Variants in TSHZ3 observed in about 807,000 individuals in gnomAD.
The protein encoded by TSHZ3 is teashirt homolog 3.
TSHZ3 carries 10 observed loss-of-function variants against 64.5 expected under a neutral mutation model. The observed-to-expected ratio is 0.16, with a 90% CI of 0.10 to 0.26. The LOEUF is 0.26. TSHZ3 is among the 10% of genes least tolerant of loss of function. The pLI, the probability that TSHZ3 is intolerant of heterozygous loss-of-function variation, is 1.00. For missense variants in TSHZ3, 1,242 were observed against 1,421.7 expected (o/e 0.87, Z 2.03); for synonymous variants, 608 against 593.1 (o/e 1.03, Z -0.36).
intron 5 of TSHZ3, among the ~76,000 whole-genome samples, chr19:31,183,496 A>C (rs1226068430): frequency 3.3e-5 from 5 of 152,154 alleles, no homozygotes; most frequent in Non-Finnish European, 7.4e-5. Context: ...ACAAACAAAC[A>C]AAAAATCTTA....
At chr19:31,168,971 C>T (rs765045511) in intron 5 of TSHZ3, among the ~76,000 whole-genome samples, 29 of 152,092 alleles carry the variant, frequency 1.9e-4, no homozygotes, top group African/African-American at 4.6e-4. Context: ...TGTGAACATG[C>T]GAAGAAGACA....
At chr19:31,255,246 C>G (rs753296284) in intron 1 of TSHZ3, among the ~76,000 whole-genome samples, 5 of 152,078 alleles carry the variant, frequency 3.3e-5, no homozygotes, top group Non-Finnish European at 5.9e-5. Flanking sequence ...ATCCAAATAG[C>G]ACACATCTAG....
intron 4 of TSHZ3, among the ~76,000 whole-genome samples, chr19:31,206,123 GGATGGATA>G (rs750744442): frequency 1.4e-4 from 17 of 122,558 alleles, no homozygotes; most frequent in Admixed American, 5.3e-4. Context: ...ATGGATGGAT[GGATGGATA>G]AATGAATGGA....
chr19:31,233,090 G>A (rs1245361940), intron 3 of TSHZ3, among the ~76,000 whole-genome samples: 1 of 152,192 alleles, frequency 6.6e-6, no homozygotes, highest in Non-Finnish European at 1.5e-5. Flanking sequence ...ACAGAGGAAT[G>A]GAGTTGCTGA....
At chr19:31,230,463 C>T (rs902956610) in intron 3 of TSHZ3, among the ~76,000 whole-genome samples, 13 of 152,052 alleles carry the variant, frequency 8.5e-5, no homozygotes, top group Non-Finnish European at 1.5e-4. Flanking sequence ...CTTTTTGTAA[C>T]AAGATTCTTA....
chr19:31,223,263 C>T (rs914799448), intron 4 of TSHZ3, among the ~76,000 whole-genome samples: 14 of 152,006 alleles, frequency 9.2e-5, no homozygotes, highest in African/African-American at 3.4e-4. Context: ...GTCTTTAAGG[C>T]TTATCTGACA....
At chr19:31,193,316 T>C (rs1418996664) in intron 5 of TSHZ3, among the ~76,000 whole-genome samples, 1 of 152,172 alleles carries the variant, frequency 6.6e-6, no homozygotes, top group Non-Finnish European at 1.5e-5. Context: ...TCTCTGTCAG[T>C]AACAAATATC....
chr19:31,292,504 C>T (rs76331186), intron 1 of TSHZ3, among the ~76,000 whole-genome samples: 3,291 of 152,236 alleles, frequency 0.022, 67 homozygotes, highest in Non-Finnish European at 0.035. Flanking sequence ...GACTTGCTGG[C>T]TTTCCTCCAA....
chr19:31,150,458 T>C (rs984859456), exon 7 of TSHZ3, among the ~76,000 whole-genome samples: 2 of 152,224 alleles, frequency 1.3e-5, no homozygotes, highest in African/African-American at 4.8e-5. Flanking sequence ...CATATCCTGG[T>C]GCATCCACGT....
intron 1 of TSHZ3, among the ~76,000 whole-genome samples, chr19:31,339,835 CA>C (rs981819128): frequency 6.6e-5 from 10 of 150,534 alleles, no homozygotes; most frequent in Admixed American, 2.0e-4. Flanking sequence ...CTGATACCTG[CA>C]AAAGGCCACG....
chr19:31,316,795 CAG>C lies in TSHZ3; in HGVS notation c.40+32383_40+32384del, dbSNP rs374313358. On this transcript the variant is annotated intron_variant, in intron 1 of 1. Transcript: ENST00000240587. Reference sequence around the variant, plus strand: ...AGAGAGAGAGAGAAGGAGAAACAGGCAGAGAGAGACAGAAGCCAACCCCCGCC... The same window carrying C: ...AGAGAGAGAGAGAAGGAGAAACAGGCAGAGAGACAGAAGCCAACCCCCGCC... 3.9e-4 allele frequency among the ~76,000 whole-genome samples: 60 copies of C among 152,060 alleles called. No homozygotes were observed. The Middle Eastern group carries it at 0.014, about 34-fold the overall frequency.
chr19:31,309,932 C>A (rs1174733681), intron 1 of TSHZ3, among the ~76,000 whole-genome samples: 1 of 152,148 alleles, frequency 6.6e-6, no homozygotes, highest in Non-Finnish European at 1.5e-5. Context: ...TTGAGGACTG[C>A]CTGTCTTGGT....
intron 4 of TSHZ3, among the ~76,000 whole-genome samples, chr19:31,211,462 G>A (rs756866506): frequency 2.6e-5 from 4 of 152,132 alleles, no homozygotes; most frequent in African/African-American, 7.2e-5. Flanking sequence ...TCTCTTGAGC[G>A]GATGGATGCA....
At position 31,235,602 on chromosome 19, in the gene TSHZ3, TTCTTTCTTTCTTTCC is replaced by T. The variant is rs570689292; in HGVS notation, n.550+6652_550+6666del. The stretch of plus-strand genomic sequence containing the variant: ...CTTCTCTTTTTTCTTTCTTTTTTCT[TTCTTTCTTTCTTTCC>T]TCTTTCTTTCTTTCCTCTTTCTTTC... On this transcript the variant is annotated intron_variant and non_coding_transcript_variant, in intron 3 of 6. Coordinates refer to the TSHZ3 transcript ENST00000651361. 2.5e-3 allele frequency among the ~76,000 whole-genome samples: 364 copies of T among 148,318 alleles called. 1 individual carries two copies. The highest frequency in any genetic ancestry group is 3.1e-3 in the Non-Finnish European group (213 of 67,674).
intron 4 of TSHZ3, among the ~76,000 whole-genome samples, chr19:31,209,245 G>A (rs1489965881): frequency 6.6e-6 from 1 of 152,216 alleles, no homozygotes; most frequent in Non-Finnish European, 1.5e-5. Flanking sequence ...TCTAAACTGA[G>A]CAATGAGTTT....
chr19:31,264,206 A>C (rs1424053897), intron 1 of TSHZ3, among the ~76,000 whole-genome samples: 1 of 152,042 alleles, frequency 6.6e-6, no homozygotes, highest in African/African-American at 2.4e-5. Context: ...GACATATTCC[A>C]CCTGTGCACA....
At chr19:31,280,869 TG>T (rs1976349806) in intron 1 of TSHZ3, among the ~76,000 whole-genome samples, 1 of 152,218 alleles carries the variant, frequency 6.6e-6, no homozygotes, top group African/African-American at 2.4e-5. Context: ...TTTTTGTTTT[TG>T]TTTTCATTCT....
At chr19:31,308,453 C>T in intron 1 of TSHZ3, 1 of 391,692 alleles carries the variant, frequency 2.6e-6, no homozygotes, top group African/African-American at 2.1e-5. Flanking sequence ...GGTGTCATCG[C>T]CAGGGAGCCC....
chr19:31,198,160 C>T (rs1167032171), intron 5 of TSHZ3, among the ~76,000 whole-genome samples: 1 of 152,094 alleles, frequency 6.6e-6, no homozygotes, highest in Non-Finnish European at 1.5e-5. Flanking sequence ...AAATCAATTA[C>T]TGTAATCTAC....
Sources: allele counts gnomAD v4.1 joint callset (sites outside exome capture counted in the v4.1 genomes callset), GRCh38; gene constraint gnomAD v4.1.1; transcripts MANE v1.5; gene names NCBI Gene and HGNC (gene_info 2026-07-23, HGNC 2026-07-21).